The following SASS6 variants were observed in gnomAD, a reference collection of about 807,000 sequenced individuals.
The protein encoded by SASS6 is spindle assembly abnormal protein 6 homolog.
Under a neutral mutation model 94.9 loss-of-function variants are expected in SASS6, and 59 were observed. That is an observed-to-expected ratio of 0.62 (90% CI 0.50 to 0.77). The LOEUF (loss-of-function observed/expected upper bound fraction) is 0.77. Ranked by LOEUF, SASS6 falls within the 30% of genes least tolerant of loss-of-function variation. The probability of loss-of-function intolerance (pLI) is 0.00; values close to 1 mark genes in which losing one functional copy is unlikely to be tolerated. For synonymous variants in SASS6, 264 were observed against 270.0 expected, an observed-to-expected ratio of 0.98 and a Z score of 0.22; for missense variants, 698 against 734.1, an observed-to-expected ratio of 0.95 and a Z score of 0.57.
chr1:100,102,353 G>A (rs1462455912), intron 14 of SASS6, among the ~76,000 whole-genome samples: 1 of 140,072 alleles, frequency 7.1e-6, no homozygotes, highest in Admixed American at 6.9e-5. Flanking sequence ...GCCTGAGAGC[G>A]TAGGAGACAC....
At position 100,085,616 on chromosome 1, in the gene SASS6, C is replaced by A. The variant is rs368307617; in HGVS notation, c.1787G>T (p.Gly596Val). The change falls in exon 16 of 17, where the codon GGG becomes GTG. Residue 596 changes from glycine to valine, a missense_variant. Transcript: ENST00000287482. ...TTTCTTCAGGTATTTGGATTCCAACCCTACATTTTCACCACTTAAAAAGAA... is the reference window on the plus strand; with the variant it reads ...TTTCTTCAGGTATTTGGATTCCAACACTACATTTTCACCACTTAAAAAGAA... ...STDKENGENVGLESKYLKKRE... is the reference protein window; with the variant it reads ...STDKENGENVVLESKYLKKRE... 2.5e-6 allele frequency: 4 copies of A among 1,606,988 alleles called. No homozygotes were observed. Among genetic ancestry groups the A allele is most frequent in the African/African-American group, 1.3e-5 (1 of 74,692 alleles).
chr1:100,118,674 A>G (rs1194608456), intron 7 of SASS6, among the ~76,000 whole-genome samples: 1 of 152,198 alleles, frequency 6.6e-6, no homozygotes, highest in African/African-American at 2.4e-5. Context: ...GAAAGTTACA[A>G]TCAATATATC....
At chr1:100,100,829 A>G (rs1303594178) in intron 14 of SASS6, among the ~76,000 whole-genome samples, 1 of 152,202 alleles carries the variant, frequency 6.6e-6, no homozygotes, top group Non-Finnish European at 1.5e-5. Flanking sequence ...AATGATCACC[A>G]AAGTAGGTGG....
chr1:100,090,513 C>T (rs1056315130), intron 14 of SASS6, among the ~76,000 whole-genome samples: 1 of 152,124 alleles, frequency 6.6e-6, no homozygotes, highest in Admixed American at 6.6e-5. Context: ...CCTGCTCCAA[C>T]TCCCAGGCTA....
chr1:100,104,046 G>A (rs911309186), intron 13 of SASS6, among the ~76,000 whole-genome samples: 3 of 152,138 alleles, frequency 2.0e-5, no homozygotes, highest in African/African-American at 7.2e-5. Context: ...AAGTTTAAGT[G>A]GTGCTTTGCT....
At chr1:100,125,374 G>GT (rs1403811654) in intron 2 of SASS6, among the ~76,000 whole-genome samples, 1 of 151,058 alleles carries the variant, frequency 6.6e-6, no homozygotes, top group Non-Finnish European at 1.5e-5. Flanking sequence ...AATTTTTCAC[G>GT]TATGTTTTAG....
intron 14 of SASS6, among the ~76,000 whole-genome samples, chr1:100,100,513 C>A (rs909767219): frequency 6.6e-6 from 1 of 152,150 alleles, no homozygotes; most frequent in African/African-American, 2.4e-5. Flanking sequence ...AGAGAAAAAA[C>A]ACGTAGTTTT....
intron 14 of SASS6, among the ~76,000 whole-genome samples, chr1:100,096,208 GA>G (rs1170367461): frequency 6.6e-6 from 1 of 152,178 alleles, no homozygotes; most frequent in African/African-American, 2.4e-5. Context: ...AAAAATCAAT[GA>G]AACAGAATTG....
Position 100,085,303 on chromosome 1 carries a change from T to C in SASS6, c.*25A>G, listed in dbSNP as rs781637620. 1 of 1,432,228 alleles carries C rather than the reference T, an allele frequency of 7.0e-7. No individual in the cohort carries two copies. The highest frequency in any genetic ancestry group is 9.8e-7 in the Non-Finnish European group (1 of 1,015,330). 88.7% of individuals were successfully genotyped at this position (1,432,228 alleles called of 1,614,324 possible). On this transcript the variant is annotated 3_prime_UTR_variant, in exon 17 of 17. Coordinates refer to ENST00000287482, the MANE Select transcript of SASS6 (RefSeq NM_194292.3). ...AGCACCTGAGTTTCTAAAATACCAATAAAAAGTAAAACATGACACTAGAAT... is the reference window on the plus strand; with the variant it reads ...AGCACCTGAGTTTCTAAAATACCAACAAAAAGTAAAACATGACACTAGAAT...
At chr1:100,125,669 C>CAA (rs11299065) in intron 2 of SASS6, among the ~76,000 whole-genome samples, 64 of 80,316 alleles carry the variant, frequency 8.0e-4, no homozygotes, top group African/African-American at 2.5e-3. Flanking sequence ...GACTCCATCT[C>CAA]AAAAAAAAAA....
intron 2 of SASS6, among the ~76,000 whole-genome samples, 196 bp downstream of exon 2, chr1:100,125,686 A>G (rs891061166): frequency 4.0e-5 from 6 of 151,456 alleles, no homozygotes; most frequent in Non-Finnish European, 8.8e-5. Flanking sequence ...AAAAAAAAAA[A>G]AAAGAAATAT....
At chr1:100,096,414 A>ATT (rs1652106647) in intron 14 of SASS6, among the ~76,000 whole-genome samples, 1 of 152,368 alleles carries the variant, frequency 6.6e-6, no homozygotes, top group East Asian at 1.9e-4. Context: ...TCTAAATGTA[A>ATT]CAACTAAAAC....
chr1:100,087,722 T>C (rs1021395127), intron 15 of SASS6, among the ~76,000 whole-genome samples: 12 of 152,198 alleles, frequency 7.9e-5, no homozygotes, highest in Middle Eastern at 6.3e-3. Flanking sequence ...GATTAGATTA[T>C]ACTGAAAGCA....
At position 100,085,631 on chromosome 1, in the gene SASS6, C is replaced by T; in HGVS notation, c.1773-1G>A. 1 of 1,580,210 alleles carries T rather than the reference C, an allele frequency of 6.3e-7. No individual in the cohort carries two copies. The highest frequency in any genetic ancestry group is 8.7e-7 in the Non-Finnish European group (1 of 1,151,934). ...GGATTCCAACCCTACATTTTCACCA[C>T]TTAAAAAGAAAATGGTAATAACTTA... On this transcript the variant is annotated splice_acceptor_variant, in intron 15 of 16. Transcript: ENST00000287482. LOFTEE classifies it high-confidence loss of function.
At chr1:100,123,858 A>T (rs1654380444) in intron 2 of SASS6, among the ~76,000 whole-genome samples, 1 of 152,172 alleles carries the variant, frequency 6.6e-6, no homozygotes, top group Non-Finnish European at 1.5e-5. Context: ...TTCAGTCTCA[A>T]ATGAAGTAAG....
chr1:100,105,679 T>G, intron 13 of SASS6, 88 bp downstream of exon 13: 1 of 1,342,134 alleles, frequency 7.5e-7, no homozygotes, highest in Non-Finnish European at 1.1e-6. Flanking sequence ...TATCAGCACC[T>G]TAAATCATGG....
chr1:100,107,427 C>A lies in SASS6; in HGVS notation c.1273G>T (p.Glu425Ter). ...CCAACATCTTGTAATTCCTTTTGTTCCTTTTGTAATTTTTCCTCCTTCTCA... is the reference window on the plus strand; with the variant it reads ...CCAACATCTTGTAATTCCTTTTGTTACTTTTGTAATTTTTCCTCCTTCTCA... Reference protein sequence around the residue: ...LAEKEEKLQKEQKELQDVGQS... With the variant: ...LAEKEEKLQK Residue 425 changes from glutamate (E) to a stop codon, truncating the protein, a stop_gained, in exon 11 of 17, where the codon GAA (glutamate) becomes TAA (stop). Transcript: ENST00000287482. LOFTEE classifies it high-confidence loss of function. 2 of 1,609,804 alleles carry A rather than the reference C, an allele frequency of 1.2e-6. No homozygotes were observed. Among genetic ancestry groups the A allele is most frequent in the Non-Finnish European group, 1.7e-6 (2 of 1,176,636 alleles).
chr1:100,105,714 C>A, intron 13 of SASS6, 53 bp downstream of exon 13: 3 of 1,558,162 alleles, frequency 1.9e-6, no homozygotes, highest in East Asian at 2.3e-5. Context: ...TCTGGAAATA[C>A]TTTTGTTTCA....
chr1:100,085,791 AT>A (rs1651203782), intron 15 of SASS6, among the ~76,000 whole-genome samples, 161 bp from the exon 16 acceptor site: 1 of 152,182 alleles, frequency 6.6e-6, no homozygotes, highest in Non-Finnish European at 1.5e-5. Context: ...GCAAATGGTA[AT>A]TTTATACATA....
Sources: gnomAD v4.1 joint callset for allele counts (sites outside exome capture counted in the v4.1 genomes callset) on GRCh38, gnomAD v4.1.1 for gene constraint, MANE v1.5 for transcripts, NCBI Gene and HGNC (gene_info 2026-07-23, HGNC 2026-07-21) for gene names.